The following ARFGEF2 variants were observed in gnomAD, a reference collection of about 807,000 sequenced individuals.
The protein encoded by ARFGEF2 is brefeldin A-inhibited guanine nucleotide-exchange protein 2.
Under a neutral mutation model 219.9 loss-of-function variants are expected in ARFGEF2, and 74 were observed. That is an observed-to-expected ratio of 0.34 (90% CI 0.28 to 0.41). ARFGEF2 has a LOEUF of 0.41. Ranked by LOEUF, ARFGEF2 falls within the 10% of genes least tolerant of loss-of-function variation. ARFGEF2 has a pLI of 1.00. For missense variants in ARFGEF2, 1,743 were observed against 2,218.3 expected (o/e 0.79, Z 4.30); for synonymous variants, 733 against 799.2 (o/e 0.92, Z 1.40).
chr20:48,933,322 G>A (rs1008441605), intron 1 of ARFGEF2, among the ~76,000 whole-genome samples: 1 of 152,216 alleles, frequency 6.6e-6, no homozygotes, highest in Non-Finnish European at 1.5e-5. Flanking sequence ...TGGCTCAGGA[G>A]TGCTGGCCCT....
At chr20:48,924,267 T>C (rs541299801) in intron 1 of ARFGEF2, among the ~76,000 whole-genome samples, 2 of 152,198 alleles carry the variant, frequency 1.3e-5, no homozygotes, top group South Asian at 2.1e-4. Context: ...CCCAGCACTT[T>C]AGGAGGCTGA....
chr20:48,981,628 T>A (rs536129626), intron 14 of ARFGEF2, among the ~76,000 whole-genome samples: 1 of 152,356 alleles, frequency 6.6e-6, no homozygotes, highest in African/African-American at 2.4e-5. Context: ...CAATCAAACG[T>A]AGATTTGGTC....
chr20:48,953,933 T>C, intron 6 of ARFGEF2, 143 bp downstream of exon 6: 1 of 901,286 alleles, frequency 1.1e-6, no homozygotes, highest in East Asian at 2.6e-5. Flanking sequence ...TTTGCTTTTC[T>C]CTTAGGGAAC....
In ARFGEF2 at chr20:49,035,973, A is replaced by G; in HGVS notation, c.*2774A>G. 2.6e-6 allele frequency: 1 copy of G among 391,088 alleles called. No homozygotes were observed. Among genetic ancestry groups the G allele is most frequent in the East Asian group, 3.6e-5 (1 of 27,692 alleles). 24.2% of individuals were successfully genotyped at this position (391,088 alleles called of 1,614,324 possible). A position where few individuals can be genotyped will look rare whatever the true frequency, so the allele number is the denominator to read the frequency against. On this transcript the variant is annotated 3_prime_UTR_variant, in exon 39 of 39. Transcript: ENST00000371917. ...TGGAAACACAACATTTTCCTCTGGCAGGTGACTTTTGTACGAAATGAAAAA... is the reference window on the plus strand; with the variant it reads ...TGGAAACACAACATTTTCCTCTGGCGGGTGACTTTTGTACGAAATGAAAAA...
rs777887513 is a variant in ARFGEF2 at position 48,988,683 on chromosome 20, A to ATTTC, written c.2533+25_2533+28dup. 3.7e-6 allele frequency: 6 copies of ATTTC among 1,608,212 alleles called. No homozygotes were observed. In the African/African-American group the frequency reaches 8.0e-5, roughly 22 times the overall value. On this transcript the variant is annotated intron_variant, in intron 18 of 38. Coordinates refer to ENST00000371917, the MANE Select transcript of ARFGEF2 (RefSeq NM_006420.3). ...GCAGAGTAAGGTCTAATGGCAAATT[A>ATTTC]TTTCTTTTAGTTCTAATTTTTTAGT... is the stretch of plus-strand genomic sequence containing the variant.
chr20:48,989,133 C>A, intron 18 of ARFGEF2, 152 bp from the exon 19 acceptor site: 1 of 930,302 alleles, frequency 1.1e-6, no homozygotes, highest in South Asian at 1.4e-5. Context: ...TTTTTCCCAT[C>A]TGTAAAATGG....
Position 49,028,652 on chromosome 20 carries a change from C to G in ARFGEF2, c.5047C>G (p.Gln1683Glu). The G allele has an allele frequency of 6.2e-7, 1 of 1,614,194 alleles. No homozygotes were observed. The highest frequency in any genetic ancestry group is 1.1e-5 in the South Asian group (1 of 91,082). Residue 1683 changes from glutamine (Q) to glutamate (E), a missense_variant, in exon 37 of 39, where the codon CAG (glutamine) becomes GAG (glutamate). Physicochemically the swap from Gln to Glu is conservative, Grantham distance 29. Transcript: ENST00000371917. Reference protein sequence around the residue: ...ENRRDSWEEIQQRLLTVCSEA... With the variant: ...ENRRDSWEEIEQRLLTVCSEA... ...CCGCAGGGATTCCTGGGAAGAAATACAGCAGAGACTTTTAACGTAAGAAAA... is the reference window on the plus strand; with the variant it reads ...CCGCAGGGATTCCTGGGAAGAAATAGAGCAGAGACTTTTAACGTAAGAAAA...
At chr20:49,007,931 C>G (rs942115818) in intron 26 of ARFGEF2, among the ~76,000 whole-genome samples, 1 of 140,494 alleles carries the variant, frequency 7.1e-6, no homozygotes, top group Admixed American at 6.9e-5. Flanking sequence ...CCAGGCCTTC[C>G]CTGCCTATCC....
chr20:48,989,450 G>C lies in ARFGEF2; in HGVS notation c.2685+14G>C. ...CCAATGTTCAAAGTGAGTATCCTGA[G>C]AACTTAGCAAGCATGTGGCTAAGCC... On this transcript the variant is annotated intron_variant, in intron 19 of 38. Coordinates refer to ENST00000371917, the MANE Select transcript of ARFGEF2 (RefSeq NM_006420.3). The C allele has an allele frequency of 6.2e-7, 1 of 1,614,238 alleles. No homozygotes were observed. Among genetic ancestry groups the C allele is most frequent in the Non-Finnish European group, 8.5e-7 (1 of 1,180,048 alleles).
chr20:49,027,672 G>T (rs1183873187), intron 36 of ARFGEF2, among the ~76,000 whole-genome samples: 1 of 151,930 alleles, frequency 6.6e-6, no homozygotes, highest in Non-Finnish European at 1.5e-5. Flanking sequence ...CTCCAGCCTG[G>T]GTGACAGAGC....
In ARFGEF2 at chr20:48,973,294, C is replaced by T. The variant is rs548202852; in HGVS notation, c.1665+10C>T. The T allele has an allele frequency of 1.2e-6, 2 of 1,614,018 alleles. No individual in the cohort carries two copies. The highest frequency in any genetic ancestry group is 2.7e-5 in the African/African-American group (2 of 75,032). The stretch of plus-strand genomic sequence containing the variant: ...AATGACACCTCTGCAGGTAAAAACA[C>T]TGTGGACACTCAATTATATTAAAGT... On this transcript the variant is annotated intron_variant, in intron 12 of 38. Transcript: ENST00000371917.
At chr20:48,989,726 G>A (rs1463153568) in intron 20 of ARFGEF2, 42 bp downstream of exon 20, 2 of 1,612,900 alleles carry the variant, frequency 1.2e-6, no homozygotes, top group South Asian at 2.2e-5. Flanking sequence ...CTGGTGGGTT[G>A]TGCTCTTTTA....
At chr20:49,025,215 G>T (rs1475514181) in intron 35 of ARFGEF2, 98 bp from the exon 36 acceptor site, 12 of 1,250,124 alleles carry the variant, frequency 9.6e-6, no homozygotes, top group Non-Finnish European at 1.3e-5. Flanking sequence ...AGACAGGGAT[G>T]ACTTTTGGAG....
intron 7 of ARFGEF2, 73 bp downstream of exon 7, chr20:48,963,971 T>C: frequency 7.1e-7 from 1 of 1,408,756 alleles, no homozygotes; most frequent in Non-Finnish European, 9.9e-7. Context: ...AATATTTTAG[T>C]GGTGGAGTTT....
Position 49,013,579 on chromosome 20 carries a change from A to G in ARFGEF2, c.3934A>G (p.Thr1312Ala). ...SERPRVLQEY[T>A]SDDMNVAPGD... ...TTCATCCTAGGTGCTACAAGAATACACAAGTGATGACATGAATGTAGCTCC... is the reference window on the plus strand; with the variant it reads ...TTCATCCTAGGTGCTACAAGAATACGCAAGTGATGACATGAATGTAGCTCC... Residue 1312 changes from threonine to alanine, a missense_variant, in exon 29 of 39, where the codon ACA becomes GCA. Physicochemically the swap from Thr to Ala is moderately conservative, Grantham distance 58. Coordinates refer to ENST00000371917, the MANE Select transcript of ARFGEF2 (RefSeq NM_006420.3). The G allele has an allele frequency of 1.2e-6, 2 of 1,614,210 alleles. No homozygotes were observed. Among genetic ancestry groups the G allele is most frequent in the East Asian group, 4.5e-5 (2 of 44,884 alleles).
At position 49,018,781 on chromosome 20, in the gene ARFGEF2, C is replaced by G. The variant is rs1335082222; in HGVS notation, c.4510-103C>G. 3 of 842,208 alleles carry G rather than the reference C, an allele frequency of 3.6e-6. No homozygotes were observed. In the African/African-American group the frequency reaches 5.0e-5, roughly 14 times the overall value. The allele number at this position is 842,208 out of a possible 1,614,324, so 52.2% of individuals were successfully genotyped here. On this transcript the variant is annotated intron_variant, in intron 33 of 38. Transcript: ENST00000371917. ...TCATTTTATTTTGAGCTAAGCAAGG[C>G]ACTTAAATACAGGCTGGACCAGCCG...
intron 14 of ARFGEF2, among the ~76,000 whole-genome samples, chr20:48,976,425 T>A (rs1322027440): frequency 6.6e-6 from 1 of 152,126 alleles, no homozygotes; most frequent in Non-Finnish European, 1.5e-5. Flanking sequence ...ATGCAGCCTT[T>A]TTTCCCCCCT....
chr20:49,007,172 A>G (rs1414118269), intron 26 of ARFGEF2, among the ~76,000 whole-genome samples: 1 of 152,102 alleles, frequency 6.6e-6, no homozygotes, highest in Non-Finnish European at 1.5e-5. Flanking sequence ...GGAATCTTAC[A>G]CCATGTGCTG....
intron 1 of ARFGEF2, among the ~76,000 whole-genome samples, chr20:48,935,570 G>A (rs1010932154): frequency 2.7e-4 from 41 of 152,168 alleles, no homozygotes; most frequent in Non-Finnish European, 5.3e-4. Flanking sequence ...CCACAAAACC[G>A]CCACTGTCAT....
Sources: gnomAD v4.1 joint callset for allele counts (sites outside exome capture counted in the v4.1 genomes callset) on GRCh38, gnomAD v4.1.1 for gene constraint, MANE v1.5 for transcripts, NCBI Gene and HGNC (gene_info 2026-07-23, HGNC 2026-07-21) for gene names.